Variants in THSD7A observed in about 807,000 individuals in gnomAD.
THSD7A encodes the protein thrombospondin type 1 domain containing 7A, also known as thrombospondin type-1 domain-containing protein 7A.
Under a neutral mutation model 231.3 loss-of-function variants are expected in THSD7A, and 96 were observed. That is an observed-to-expected ratio of 0.41 (90% CI 0.35 to 0.49). The LOEUF (loss-of-function observed/expected upper bound fraction) is 0.49. Ranked by LOEUF, THSD7A falls within the 20% of genes least tolerant of loss-of-function variation. The probability of loss-of-function intolerance (pLI) is 0.05; values close to 1 mark genes in which losing one functional copy is unlikely to be tolerated. For missense variants in THSD7A, 2,290 were observed against 2,070.2 expected, an observed-to-expected ratio of 1.11 and a Z score of -2.06; for synonymous variants, 940 against 743.3, an observed-to-expected ratio of 1.26 and a Z score of -4.30.
At chr7:11,783,074 A>T (rs1021249112) in intron 1 of THSD7A, among the ~76,000 whole-genome samples, 1 of 152,146 alleles carries the variant, frequency 6.6e-6, no homozygotes, top group African/African-American at 2.4e-5. Context: ...GGAGAGGCAT[A>T]CTCAAAGCAA....
chr7:11,794,910 G>T (rs1784078857), intron 1 of THSD7A, among the ~76,000 whole-genome samples: 1 of 151,818 alleles, frequency 6.6e-6, no homozygotes, highest in South Asian at 2.1e-4. Flanking sequence ...ATAGAAACAG[G>T]ATTTCATTTT....
chr7:11,739,743 C>G (rs1334079722), intron 1 of THSD7A, among the ~76,000 whole-genome samples: 4 of 151,862 alleles, frequency 2.6e-5, no homozygotes, highest in Non-Finnish European at 4.4e-5. Context: ...CTTGCCTGGT[C>G]AACTTCCTAA....
chr7:11,566,436 C>T (rs1790328953), intron 4 of THSD7A, among the ~76,000 whole-genome samples: 1 of 152,138 alleles, frequency 6.6e-6, no homozygotes, highest in Non-Finnish European at 1.5e-5. Context: ...TTAACACGTA[C>T]TTTATGTGAA....
At chr7:11,730,743 A>T (rs1198487283) in intron 1 of THSD7A, among the ~76,000 whole-genome samples, 1 of 151,658 alleles carries the variant, frequency 6.6e-6, no homozygotes, top group African/African-American at 2.4e-5. Flanking sequence ...TCTAGGAGTC[A>T]CCCATTTTTG....
At chr7:11,670,935 G>C (rs956729223) in intron 1 of THSD7A, among the ~76,000 whole-genome samples, 1 of 152,088 alleles carries the variant, frequency 6.6e-6, no homozygotes, top group African/African-American at 2.4e-5. Flanking sequence ...CACAGCAACT[G>C]GTCTTAAATG....
At chr7:11,508,919 G>C (rs1051593246) in intron 6 of THSD7A, among the ~76,000 whole-genome samples, 8 of 152,180 alleles carry the variant, frequency 5.3e-5, no homozygotes, top group Non-Finnish European at 1.2e-4. Context: ...AGAGTAGAAT[G>C]GTAGTTGCCA....
chr7:11,541,333 G>A lies in THSD7A; in HGVS notation c.1822+86C>T, dbSNP rs777679589. ...TTGTAAACAGAATCAGTTATAATGC[G>A]AGAAGACACAGGATTTTAACAGAAA... On this transcript the variant is annotated intron_variant, in intron 6 of 27. Transcript: ENST00000423059. 245 of 1,282,458 alleles carry A rather than the reference G, an allele frequency of 1.9e-4. 1 individual carries two copies. The highest frequency in any genetic ancestry group is 3.1e-4 in the Admixed American group (16 of 51,152). The allele number at this position is 1,282,458 out of a possible 1,614,324, so 79.4% of individuals were successfully genotyped here.
intron 1 of THSD7A, among the ~76,000 whole-genome samples, chr7:11,785,380 T>C (rs547331587): frequency 7.9e-5 from 12 of 152,224 alleles, no homozygotes; most frequent in African/African-American, 2.6e-4. Flanking sequence ...GGACTTCAGA[T>C]GAACCCTGCC....
rs114177691 is a variant in THSD7A at position 11,683,799 on chromosome 7, C to A, written c.191-46838G>T. On this transcript the variant is annotated intron_variant, in intron 1 of 27. Transcript: ENST00000423059. Reference sequence around the variant, plus strand: ...AGGCAAATTCTACCAGATGTACAAACAAGAGCCAGTATCAATCCTACTGAA... The same window carrying A: ...AGGCAAATTCTACCAGATGTACAAAAAAGAGCCAGTATCAATCCTACTGAA... Among the ~76,000 whole-genome samples the A allele has an allele frequency of 7.5e-3, 1,142 of 151,988 alleles. 12 individuals are homozygous for A. Among genetic ancestry groups the A allele is most frequent in the African/African-American group, 0.026 (1,081 of 41,514 alleles).
intron 1 of THSD7A, among the ~76,000 whole-genome samples, chr7:11,730,929 A>G (rs1468216749): frequency 6.6e-6 from 1 of 151,540 alleles, no homozygotes; most frequent in Non-Finnish European, 1.5e-5. Context: ...ACAACTTTCA[A>G]TTTCAGTTAG....
At position 11,372,450 on chromosome 7, in the gene THSD7A, AC is replaced by A. The variant is rs1391790696; in HGVS notation, c.*3343del. 6.6e-6 allele frequency: 1 copy of A among 151,482 alleles called. No homozygotes were observed. Among genetic ancestry groups the A allele is most frequent in the African/African-American group, 2.4e-5 (1 of 41,228 alleles). The allele number at this position is 151,482 out of a possible 1,614,324, so 9.4% of individuals were successfully genotyped here. On this transcript the variant is annotated 3_prime_UTR_variant, in exon 28 of 28. Coordinates refer to ENST00000423059, the MANE Select transcript of THSD7A (RefSeq NM_015204.3). ...AGTAATTAAAAACAAGCTTTTATGC[AC>A]TCTTTTTAAATTCACTTAAGCTACA...
At chr7:11,788,448 C>T (rs901174833) in intron 1 of THSD7A, among the ~76,000 whole-genome samples, 2 of 152,002 alleles carry the variant, frequency 1.3e-5, no homozygotes, top group Admixed American at 6.6e-5. Flanking sequence ...TCCTCATGCC[C>T]ATTTTGTTTC....
intron 4 of THSD7A, among the ~76,000 whole-genome samples, chr7:11,562,911 T>C (rs1790135671): frequency 6.6e-6 from 1 of 152,188 alleles, no homozygotes; most frequent in Non-Finnish European, 1.5e-5. Flanking sequence ...TGGTAGTAAT[T>C]TCAGGTATAT....
At position 11,774,805 on chromosome 7, in the gene THSD7A, G is replaced by A. The variant is rs147989374; in HGVS notation, c.190+56952C>T. The stretch of plus-strand genomic sequence containing the variant: ...TGCTATGGCTCACACCTGTAATCCC[G>A]GCACTTTGGGAGGACGAGGTGGACA... On this transcript the variant is annotated intron_variant, in intron 1 of 27. Transcript: ENST00000423059. Among the ~76,000 whole-genome samples the A allele has an allele frequency of 2.1e-4, 32 of 152,218 alleles. No individual in the cohort carries two copies. In the East Asian group the frequency reaches 5.6e-3, roughly 27 times the overall value.
Position 11,474,665 on chromosome 7 carries a change from G to A in THSD7A, c.2018-97C>T, listed in dbSNP as rs1477928173. Reference sequence around the variant, plus strand: ...AATTAACATGGCTTAGAAATAAAAAGTGACTTTTCTTCCCCACATCAAGTT... The same window carrying A: ...AATTAACATGGCTTAGAAATAAAAAATGACTTTTCTTCCCCACATCAAGTT... On this transcript the variant is annotated intron_variant, in intron 7 of 27. Coordinates refer to ENST00000423059, the MANE Select transcript of THSD7A (RefSeq NM_015204.3). This position sits in a 1 kb window ranked among gnomAD's most constrained non-coding sequence, Gnocchi z 4.1. 1.5e-5 allele frequency: 15 copies of A among 1,010,542 alleles called. No homozygotes were observed. In the East Asian group the frequency reaches 3.4e-4, roughly 23 times the overall value. The allele number at this position is 1,010,542 out of a possible 1,614,324, so 62.6% of individuals were successfully genotyped here.
At chr7:11,795,619 A>T (rs1008608534) in intron 1 of THSD7A, among the ~76,000 whole-genome samples, 2 of 152,070 alleles carry the variant, frequency 1.3e-5, no homozygotes, top group Non-Finnish European at 2.9e-5. Context: ...TATAATTCAA[A>T]CATATATTCT....
At chr7:11,460,905 T>C in intron 10 of THSD7A, 140 bp from the exon 11 acceptor site, 1 of 630,776 alleles carries the variant, frequency 1.6e-6, no homozygotes, top group South Asian at 2.0e-5. Flanking sequence ...AAATTTAATT[T>C]AGATCTCCAT....
At chr7:11,778,156 CAAAAAAA>C (rs57740181) in intron 1 of THSD7A, among the ~76,000 whole-genome samples, 86 of 45,068 alleles carry the variant, frequency 1.9e-3, no homozygotes, top group African/African-American at 5.8e-3. Context: ...GACTCCGTCT[CAAAAAAA>C]AAAAAAAAAA....
intron 6 of THSD7A, among the ~76,000 whole-genome samples, chr7:11,513,390 A>G: frequency 6.6e-6 from 1 of 152,216 alleles, no homozygotes; most frequent in East Asian, 1.9e-4. Context: ...AGTCAAATGG[A>G]AACATCCCAA....
Sources: gnomAD v4.1 joint callset for allele counts (sites outside exome capture counted in the v4.1 genomes callset) on GRCh38, gnomAD v4.1.1 for gene constraint, Gnocchi (gnomAD v3.1) non-coding constraint, MANE v1.5 for transcripts, NCBI Gene and HGNC (gene_info 2026-07-23, HGNC 2026-07-21) for gene names.